The following SPAG16 variants were observed in gnomAD, a reference collection of about 807,000 sequenced individuals.
SPAG16 encodes the protein sperm-associated antigen 16 protein.
Under a neutral mutation model 80.4 loss-of-function variants are expected in SPAG16, and 86 were observed. The observed-to-expected ratio is 1.07, with a 90% confidence interval of 0.90 to 1.28. The LOEUF (loss-of-function observed/expected upper bound fraction) is 1.28. SPAG16 is among the 50% of genes most tolerant of loss of function. The probability of loss-of-function intolerance (pLI) is 0.00; values close to 1 mark genes in which losing one functional copy is unlikely to be tolerated. For missense variants in SPAG16, 870 were observed against 765.3 expected (o/e 1.14, Z -1.61); for synonymous variants, 294 against 265.9 (o/e 1.11, Z -1.03).
At chr2:213,446,900 G>A (rs977229480) in intron 9 of SPAG16, among the ~76,000 whole-genome samples, 13 of 152,298 alleles carry the variant, frequency 8.5e-5, no homozygotes, top group African/African-American at 2.6e-4. Flanking sequence ...CTTCCAGAGA[G>A]ATCAGCCACA....
intron 7 of SPAG16, among the ~76,000 whole-genome samples, chr2:213,363,230 G>A (rs758775614): frequency 4.8e-4 from 73 of 152,044 alleles, no homozygotes; most frequent in Non-Finnish European, 9.9e-4. Flanking sequence ...TACTACATTA[G>A]CAACTCTCCT....
chr2:214,406,604 AG>A (rs1202879460), intron 15 of SPAG16, among the ~76,000 whole-genome samples: 3 of 152,168 alleles, frequency 2.0e-5, no homozygotes, highest in African/African-American at 7.2e-5. Flanking sequence ...CAGCATATAA[AG>A]GAACTATATT....
chr2:214,261,205 A>G (rs1691151111), intron 15 of SPAG16, among the ~76,000 whole-genome samples: 1 of 147,952 alleles, frequency 6.8e-6, no homozygotes. Context: ...TCAGGACTGT[A>G]AATACCTCCC....
chr2:214,399,096 C>T (rs1701563158), intron 15 of SPAG16, among the ~76,000 whole-genome samples: 1 of 152,070 alleles, frequency 6.6e-6, no homozygotes. Context: ...GGGGCTTACT[C>T]AGGTAATATA....
intron 15 of SPAG16, among the ~76,000 whole-genome samples, chr2:214,369,341 A>G (rs747986692): frequency 1.3e-5 from 2 of 152,058 alleles, no homozygotes; most frequent in African/African-American, 2.4e-5. Context: ...GCAACTCACT[A>G]CTAGTTTTGT....
At chr2:214,321,586 T>A (rs1483330810) in intron 15 of SPAG16, among the ~76,000 whole-genome samples, 1 of 152,176 alleles carries the variant, frequency 6.6e-6, no homozygotes, top group Non-Finnish European at 1.5e-5. Flanking sequence ...AGTTACTATA[T>A]AGTCAAAAGG....
At chr2:214,034,619 G>T (rs983270760) in intron 13 of SPAG16, among the ~76,000 whole-genome samples, 7 of 152,362 alleles carry the variant, frequency 4.6e-5, no homozygotes, top group Non-Finnish European at 7.3e-5. Context: ...GGGGTGGGCA[G>T]CTCCAGGCAC....
chr2:213,829,329 G>C (rs1189151885), intron 10 of SPAG16, among the ~76,000 whole-genome samples: 1 of 152,050 alleles, frequency 6.6e-6, no homozygotes, highest in East Asian at 1.9e-4. Context: ...GTGCACATAA[G>C]GCTCAAGTGT....
At chr2:213,364,172 C>T (rs2066148919) in intron 8 of SPAG16, 27 bp downstream of exon 8, 8 of 1,370,162 alleles carry the variant, frequency 5.8e-6, no homozygotes, top group Non-Finnish European at 7.8e-6. Context: ...ATGAAGCTCT[C>T]ATTTAATATA....
intron 10 of SPAG16, among the ~76,000 whole-genome samples, chr2:213,601,906 G>A (rs1162744449): frequency 2.6e-5 from 4 of 152,218 alleles, no homozygotes; most frequent in Non-Finnish European, 4.4e-5. Context: ...ACCAGGGTCA[G>A]GGTGGGGGAT....
intron 11 of SPAG16, among the ~76,000 whole-genome samples, chr2:213,927,722 G>A (rs2078549641): frequency 6.6e-6 from 1 of 151,704 alleles, no homozygotes; most frequent in African/African-American, 2.4e-5. Flanking sequence ...TTTTTGCCTG[G>A]CACATGGTTT....
chr2:213,980,725 T>TATATATATATATATATAGAGAGAGAGAG (rs374274176), intron 12 of SPAG16, among the ~76,000 whole-genome samples: 35 of 103,940 alleles, frequency 3.4e-4, no homozygotes, highest in Non-Finnish European at 4.2e-4. Context: ...TATATATATA[T>TATATATATATATATATAGAGAGAGAGAG]AGAGAGAGAG....
intron 10 of SPAG16, among the ~76,000 whole-genome samples, chr2:213,807,781 AAAGAT>A (rs1296117941): frequency 3.3e-5 from 5 of 152,212 alleles, no homozygotes; most frequent in Non-Finnish European, 7.4e-5. Flanking sequence ...TATTAGGACT[AAAGAT>A]AAGCTTGAGC....
At position 213,929,818 on chromosome 2, in the gene SPAG16, ATATT is replaced by A; in HGVS notation, c.1215-139_1215-136del. ...TTGTGTAGACCCAAATAAGATAATAATATTTAGTCATTTAGATATGCCACTACAA... is the reference window on the plus strand; with the variant it reads ...TTGTGTAGACCCAAATAAGATAATAATAGTCATTTAGATATGCCACTACAA... On this transcript the variant is annotated intron_variant, in intron 11 of 15. Transcript: ENST00000331683. 3 of 658,002 alleles carry A rather than the reference ATATT, an allele frequency of 4.6e-6. No homozygotes were observed. The South Asian group carries it at 7.6e-5, about 17-fold the overall frequency. 40.8% of individuals were successfully genotyped at this position (658,002 alleles called of 1,614,324 possible). A position where few individuals can be genotyped will look rare whatever the true frequency, so the allele number is the denominator to read the frequency against.
chr2:214,212,556 G>A (rs998362661), intron 15 of SPAG16, among the ~76,000 whole-genome samples: 1 of 151,974 alleles, frequency 6.6e-6, no homozygotes, highest in African/African-American at 2.4e-5. Context: ...CCCTGTATCT[G>A]TACCTAGTTG....
At chr2:214,173,384 G>T (rs2056951774) in intron 15 of SPAG16, among the ~76,000 whole-genome samples, 1 of 151,952 alleles carries the variant, frequency 6.6e-6, no homozygotes, top group Non-Finnish European at 1.5e-5. Context: ...TTTTTGTCAG[G>T]TTTGTCAAAG....
intron 12 of SPAG16, among the ~76,000 whole-genome samples, chr2:213,943,625 G>A (rs2079310033): frequency 1.3e-5 from 2 of 152,156 alleles, no homozygotes; most frequent in African/African-American, 2.4e-5. Flanking sequence ...AAAAATTTCT[G>A]TGTATAGTTT....
chr2:213,703,072 A>G (rs925970771), intron 10 of SPAG16, among the ~76,000 whole-genome samples: 5 of 152,198 alleles, frequency 3.3e-5, no homozygotes, highest in African/African-American at 7.2e-5. Context: ...AGACGTTTTA[A>G]TGGTCAGTAC....
intron 11 of SPAG16, among the ~76,000 whole-genome samples, chr2:213,905,494 T>C (rs925542588): frequency 1.3e-5 from 2 of 152,250 alleles, no homozygotes; most frequent in African/African-American, 4.8e-5. Context: ...GTTTGAATTA[T>C]CTACTTAAAA....
Sources: allele counts gnomAD v4.1 joint callset (sites outside exome capture counted in the v4.1 genomes callset), GRCh38; gene constraint gnomAD v4.1.1; transcripts MANE v1.5; gene names NCBI Gene and HGNC (gene_info 2026-07-23, HGNC 2026-07-21).